Variants in TRABD2B observed in about 807,000 individuals in gnomAD.
TRABD2B encodes TraB domain containing 2B.
TRABD2B carries 14 observed loss-of-function variants against 40.1 expected under a neutral mutation model. The ratio of observed to expected loss-of-function variants is 0.35; its 90% CI spans 0.23 to 0.55. The LOEUF is 0.55. Ranked by LOEUF, TRABD2B falls within the 20% of genes least tolerant of loss-of-function variation. The probability of loss-of-function intolerance (pLI) is 0.90; values close to 1 mark genes in which losing one functional copy is unlikely to be tolerated. For synonymous variants in TRABD2B, 263 were observed against 277.0 expected (o/e 0.95, Z 0.50); for missense variants, 541 against 648.6 (o/e 0.83, Z 1.80).
At chr1:47,807,729 T>C (rs917651938) in intron 2 of TRABD2B, among the ~76,000 whole-genome samples, 1 of 152,184 alleles carries the variant, frequency 6.6e-6, no homozygotes, top group Admixed American at 6.5e-5. Flanking sequence ...TTATAGTATT[T>C]AGGTATTGTT....
intron 2 of TRABD2B, among the ~76,000 whole-genome samples, chr1:47,898,624 T>C (rs1644557154): frequency 6.6e-6 from 1 of 152,322 alleles, no homozygotes; most frequent in South Asian, 2.1e-4. Flanking sequence ...CAAAACGCTC[T>C]GAAGAATGTC....
Position 47,778,640 on chromosome 1 carries a change from G to T in TRABD2B, c.989-96C>A, listed in dbSNP as rs567451769. ...ATCCCCTAAGTTTGTATCTGGGCCAGTGACCTACACCAAAGTCAATGCCCC... is the reference window on the plus strand; with the variant it reads ...ATCCCCTAAGTTTGTATCTGGGCCATTGACCTACACCAAAGTCAATGCCCC... On this transcript the variant is annotated intron_variant, in intron 4 of 6. Transcript: ENST00000606738. The T allele has an allele frequency of 1.1e-3, 963 of 849,742 alleles. 3 individuals carry two copies. The highest frequency in any genetic ancestry group is 1.6e-3 in the Non-Finnish European group (828 of 523,086). 52.6% of individuals were successfully genotyped at this position (849,742 alleles called of 1,614,324 possible).
chr1:47,917,744 A>G (rs1020330180), intron 2 of TRABD2B, among the ~76,000 whole-genome samples: 1 of 151,978 alleles, frequency 6.6e-6, no homozygotes, highest in Non-Finnish European at 1.5e-5. Flanking sequence ...AAAAAAGAAA[A>G]GAAAAAAAAA....
intron 2 of TRABD2B, among the ~76,000 whole-genome samples, chr1:47,893,962 T>G (rs11211624): frequency 0.15 from 22,146 of 152,182 alleles, 1,872 homozygotes; most frequent in East Asian, 0.35. Context: ...AACCCCCAAA[T>G]AACCTGCTGT....
intron 2 of TRABD2B, among the ~76,000 whole-genome samples, chr1:47,872,967 G>T (rs1437827152): frequency 6.6e-6 from 1 of 152,168 alleles, no homozygotes; most frequent in Admixed American, 6.5e-5. Context: ...TGTTCTGGAG[G>T]CTGGGAAGTT....
At chr1:47,863,394 A>ATATATATATATAT (rs1396681662) in intron 2 of TRABD2B, among the ~76,000 whole-genome samples, 47 of 130,672 alleles carry the variant, frequency 3.6e-4, no homozygotes, top group East Asian at 1.9e-3. Flanking sequence ...ATATATATAT[A>ATATATATATATAT]ATCTCTTAAA....
In TRABD2B at chr1:47,877,091, G is replaced by C. The variant is rs546624101; in HGVS notation, c.667-75472C>G. ...ATTGGGGTTAGGGAATAATGATGGGGACAGGAAAGAGGCACTCAGAAAGGG... is the reference window on the plus strand; with the variant it reads ...ATTGGGGTTAGGGAATAATGATGGGCACAGGAAAGAGGCACTCAGAAAGGG... On this transcript the variant is annotated intron_variant, in intron 2 of 6. Transcript: ENST00000606738. Among the ~76,000 whole-genome samples the C allele has an allele frequency of 1.3e-5, 2 of 152,054 alleles. 1 individual carries two copies. The highest frequency in any genetic ancestry group is 4.2e-4 in the South Asian group (2 of 4,808).
intron 2 of TRABD2B, among the ~76,000 whole-genome samples, chr1:47,840,090 G>C (rs1381861027): frequency 1.3e-5 from 2 of 152,130 alleles, no homozygotes; most frequent in East Asian, 3.9e-4. Flanking sequence ...GTCTGGGTTT[G>C]CTGAGTGAAC....
chr1:47,983,068 G>A (rs1461806887), intron 2 of TRABD2B, among the ~76,000 whole-genome samples: 1 of 152,152 alleles, frequency 6.6e-6, no homozygotes, highest in Non-Finnish European at 1.5e-5. Context: ...CAATAGCAAA[G>A]ACATGGAATC....
chr1:47,913,625 C>T (rs1644791777), intron 2 of TRABD2B, among the ~76,000 whole-genome samples: 2 of 152,102 alleles, frequency 1.3e-5, no homozygotes, highest in Non-Finnish European at 2.9e-5. Flanking sequence ...CGGTCAGCAC[C>T]CCATGAATAC....
At chr1:47,922,845 T>C (rs1286138657) in intron 2 of TRABD2B, among the ~76,000 whole-genome samples, 1 of 152,172 alleles carries the variant, frequency 6.6e-6, no homozygotes, top group East Asian at 1.9e-4. Flanking sequence ...ATGGTGTGCT[T>C]TTCAAAAGAA....
chr1:47,994,899 G>A lies in TRABD2B; in HGVS notation c.103-302C>T, dbSNP rs1570435773. Among the ~76,000 whole-genome samples, 1 of 152,160 alleles carries A rather than the reference G, an allele frequency of 6.6e-6. No homozygotes were observed. Among genetic ancestry groups the A allele is most frequent in the African/African-American group, 2.4e-5 (1 of 41,420 alleles). On this transcript the variant is annotated intron_variant, in intron 1 of 6. Coordinates refer to ENST00000606738, the MANE Select transcript of TRABD2B (RefSeq NM_001194986.2). This position sits in a 1 kb window ranked among gnomAD's most constrained non-coding sequence, Gnocchi z 6.7. ...GGGAGGATTAAAAGATACAATATAT[G>A]TATATTAAGCCCTCAGAGCAGTGCC...
intron 2 of TRABD2B, among the ~76,000 whole-genome samples, chr1:47,944,127 A>C (rs997705274): frequency 3.3e-5 from 5 of 152,212 alleles, no homozygotes; most frequent in Admixed American, 1.3e-4. Flanking sequence ...ATAAAGGATG[A>C]TGCTGCAGGA....
Position 47,938,025 on chromosome 1 carries a change from T to C in TRABD2B, c.666+56009A>G, listed in dbSNP as rs75549451. On this transcript the variant is annotated intron_variant, in intron 2 of 6. Coordinates refer to ENST00000606738, the MANE Select transcript of TRABD2B (RefSeq NM_001194986.2). ...TATGATTCTCCAGTTCTACTACTCA[T>C]GATATATTTTGCCAGCCGCAAATGG... Among the ~76,000 whole-genome samples the C allele has an allele frequency of 4.2e-3, 646 of 152,272 alleles. 5 individuals are homozygous for C. The highest frequency in any genetic ancestry group is 0.015 in the African/African-American group (615 of 41,546).
intron 2 of TRABD2B, among the ~76,000 whole-genome samples, chr1:47,931,372 T>C (rs1416057662): frequency 2.6e-5 from 4 of 152,116 alleles, no homozygotes; most frequent in Non-Finnish European, 5.9e-5. Context: ...CCCCACCTTA[T>C]GTTTTCTCCA....
intron 2 of TRABD2B, among the ~76,000 whole-genome samples, chr1:47,961,495 A>C (rs1645514980): frequency 1.3e-5 from 2 of 152,176 alleles, no homozygotes; most frequent in African/African-American, 4.8e-5. Flanking sequence ...GAATCTACAA[A>C]TAACTTAAAC....
intron 2 of TRABD2B, among the ~76,000 whole-genome samples, chr1:47,993,551 A>G (rs1021833680): frequency 6.6e-6 from 1 of 152,172 alleles, no homozygotes; most frequent in African/African-American, 2.4e-5. Flanking sequence ...AATGGCAAGC[A>G]GCACTCTACT....
intron 2 of TRABD2B, among the ~76,000 whole-genome samples, chr1:47,823,467 G>A (rs1645136994): frequency 6.6e-6 from 1 of 152,228 alleles, no homozygotes; most frequent in Non-Finnish European, 1.5e-5. Flanking sequence ...GACCCAGGGC[G>A]CTGGCCTCTG....
chr1:47,977,954 A>T (rs916898100), intron 2 of TRABD2B, among the ~76,000 whole-genome samples: 1 of 151,964 alleles, frequency 6.6e-6, no homozygotes, highest in Non-Finnish European at 1.5e-5. Context: ...CATCCATACA[A>T]GGGTGGGAAT....
Sources: gnomAD v4.1 joint callset for allele counts (sites outside exome capture counted in the v4.1 genomes callset) on GRCh38, gnomAD v4.1.1 for gene constraint, Gnocchi (gnomAD v3.1) non-coding constraint, MANE v1.5 for transcripts, NCBI Gene and HGNC (gene_info 2026-07-23, HGNC 2026-07-21) for gene names.